Variants in RALGAPB observed in about 807,000 individuals in gnomAD.
The protein encoded by RALGAPB is Ral GTPase activating protein non-catalytic subunit beta.
Under a neutral mutation model 161.1 loss-of-function variants are expected in RALGAPB, and 25 were observed. That is an observed-to-expected ratio of 0.16 (90% confidence interval 0.11 to 0.22). The LOEUF is 0.22. Among genes scored for constraint, RALGAPB ranks in the 10% least tolerant of loss-of-function variants. The pLI is 1.00. For missense variants in RALGAPB, 1,391 were observed against 1,815.2 expected (o/e 0.77, Z 4.25); for synonymous variants, 629 against 626.1 (o/e 1.00, Z -0.07).
chr20:38,479,075 A>T (rs975698134), intron 1 of RALGAPB, among the ~76,000 whole-genome samples: 3 of 152,168 alleles, frequency 2.0e-5, no homozygotes, highest in South Asian at 2.1e-4. Flanking sequence ...TTGTTGTATT[A>T]TGCTGCTGTC....
chr20:38,503,339 A>G (rs1046324633), intron 5 of RALGAPB, among the ~76,000 whole-genome samples: 1 of 152,190 alleles, frequency 6.6e-6, no homozygotes, highest in Non-Finnish European at 1.5e-5. Context: ...TCAGGGGTCA[A>G]CTGTACATTC....
chr20:38,495,684 A>G (rs1174610998), intron 3 of RALGAPB, among the ~76,000 whole-genome samples: 1 of 152,116 alleles, frequency 6.6e-6, no homozygotes, highest in Non-Finnish European at 1.5e-5. Flanking sequence ...CACAAGTTAC[A>G]TTTTAAAAAG....
intron 1 of RALGAPB, among the ~76,000 whole-genome samples, chr20:38,476,961 T>A (rs1253704204): frequency 6.6e-6 from 1 of 152,326 alleles, no homozygotes. Context: ...TAGTGAGTAC[T>A]TGGTGTGTGA....
intron 1 of RALGAPB, among the ~76,000 whole-genome samples, chr20:38,484,498 T>C (rs987571094): frequency 1.3e-5 from 2 of 152,250 alleles, no homozygotes; most frequent in Admixed American, 1.3e-4. Context: ...AGGCATAAAT[T>C]GGACCATAGA....
At chr20:38,564,559 G>C (rs1485098163) in intron 24 of RALGAPB, among the ~76,000 whole-genome samples, 1 of 151,910 alleles carries the variant, frequency 6.6e-6, no homozygotes. Flanking sequence ...TCCAATTTTT[G>C]GTCCGATTGT....
At chr20:38,508,734 A>G (rs1308982625) in intron 5 of RALGAPB, among the ~76,000 whole-genome samples, 2 of 152,204 alleles carry the variant, frequency 1.3e-5, no homozygotes, top group Admixed American at 1.3e-4. Context: ...TCTTTCCATT[A>G]GAAATCATCT....
intron 9 of RALGAPB, among the ~76,000 whole-genome samples, chr20:38,519,481 C>T (rs1051970957): frequency 2.0e-5 from 3 of 152,062 alleles, no homozygotes; most frequent in African/African-American, 7.2e-5. Context: ...TAGAATGGCT[C>T]AACCTGTTGC....
At chr20:38,524,277 A>C (rs7268199) in intron 10 of RALGAPB, among the ~76,000 whole-genome samples, 11,153 of 152,236 alleles carry the variant, frequency 0.073, 1,428 homozygotes, top group African/African-American at 0.25. Flanking sequence ...CCCAAAAATA[A>C]TGGGGAAGGG....
intron 1 of RALGAPB, among the ~76,000 whole-genome samples, chr20:38,488,167 C>A (rs537749619): frequency 1.9e-4 from 29 of 152,214 alleles, no homozygotes; most frequent in African/African-American, 7.0e-4. Flanking sequence ...TGTGTGATGC[C>A]TTTATCATAC....
intron 6 of RALGAPB, among the ~76,000 whole-genome samples, chr20:38,513,694 G>A (rs542451120): frequency 6.6e-6 from 1 of 151,242 alleles, no homozygotes; most frequent in Non-Finnish European, 1.5e-5. Flanking sequence ...CTATAGTACC[G>A]AATTGTTTCG....
chr20:38,533,715 G>GA (rs1327998877), intron 15 of RALGAPB, among the ~76,000 whole-genome samples: 1 of 152,110 alleles, frequency 6.6e-6, no homozygotes, highest in Admixed American at 6.5e-5. Flanking sequence ...GTGGATATTT[G>GA]ACACATTTAA....
intron 10 of RALGAPB, among the ~76,000 whole-genome samples, chr20:38,522,714 A>G (rs1021346079): frequency 2.0e-5 from 3 of 152,228 alleles, no homozygotes; most frequent in Non-Finnish European, 2.9e-5. Context: ...TGGTATATAC[A>G]GGCAAATAGG....
intron 1 of RALGAPB, among the ~76,000 whole-genome samples, chr20:38,476,944 T>C (rs2084819914): frequency 6.6e-6 from 1 of 152,150 alleles, no homozygotes; most frequent in African/African-American, 2.4e-5. Context: ...AAATAATAAG[T>C]TGAGGATAGT....
chr20:38,479,351 T>A (rs914448086), intron 1 of RALGAPB, among the ~76,000 whole-genome samples: 1 of 152,234 alleles, frequency 6.6e-6, no homozygotes, highest in Non-Finnish European at 1.5e-5. Flanking sequence ...ACAGGGATGT[T>A]GTTTATTTTC....
chr20:38,549,563 TACACACACACACACATAC>T (rs2087296705), intron 20 of RALGAPB, among the ~76,000 whole-genome samples: 1 of 115,310 alleles, frequency 8.7e-6, no homozygotes, highest in African/African-American at 2.7e-5. Context: ...TATATATATA[TACACACACACACACATAC>T]ATATACACAC....
intron 1 of RALGAPB, among the ~76,000 whole-genome samples, chr20:38,478,438 T>C (rs560810316): frequency 6.6e-6 from 1 of 152,126 alleles, no homozygotes; most frequent in Non-Finnish European, 1.5e-5. Context: ...TCTTTTTTTT[T>C]GAGACGGAGT....
At chr20:38,496,028 A>C (rs917821115) in intron 3 of RALGAPB, among the ~76,000 whole-genome samples, 1 of 152,078 alleles carries the variant, frequency 6.6e-6, no homozygotes, top group Non-Finnish European at 1.5e-5. Context: ...GGGCTATGCT[A>C]TAGTTTTTTA....
rs571010621 is a variant in RALGAPB at position 38,499,945 on chromosome 20, C to T, written c.740+312C>T. On this transcript the variant is annotated intron_variant, in intron 5 of 29. Transcript: ENST00000262879. ...ATGCCTAATCATTATTTTAAAGAAA[C>T]AAACCATAGAAAGATATAATAGAAA... 1.5e-3 allele frequency: 250 copies of T among 170,634 alleles called. 1 individual carries two copies. Among genetic ancestry groups the T allele is most frequent in the African/African-American group, 5.5e-3 (232 of 42,270 alleles). 10.6% of individuals were successfully genotyped at this position (170,634 alleles called of 1,614,324 possible). A position where few individuals can be genotyped will look rare whatever the true frequency, so the allele number is the denominator to read the frequency against.
In RALGAPB at chr20:38,561,694, C is replaced by T. The variant is rs532120989; in HGVS notation, c.3532-838C>T. Among the ~76,000 whole-genome samples the T allele has an allele frequency of 4.6e-5, 7 of 152,290 alleles. No homozygotes were observed. The East Asian group carries it at 1.2e-3, about 25-fold the overall frequency. ...TGCAAGGGAATTTCTTAGTTTCCTT[C>T]CTTTAAAAGTGAGTTTTTCAAGAGC... On this transcript the variant is annotated intron_variant, in intron 23 of 29. Transcript: ENST00000262879.
Sources: gnomAD v4.1 joint callset for allele counts (sites outside exome capture counted in the v4.1 genomes callset) on GRCh38, gnomAD v4.1.1 for gene constraint, MANE v1.5 for transcripts, NCBI Gene and HGNC (gene_info 2026-07-23, HGNC 2026-07-21) for gene names.